The following VPS35L variants were observed in gnomAD, a reference collection of about 807,000 sequenced individuals.
The protein encoded by VPS35L is VPS35 endosomal protein sorting factor like.
Under a neutral mutation model 133.0 loss-of-function variants are expected in VPS35L, and 83 were observed. The observed-to-expected ratio is 0.62, with a 90% CI of 0.52 to 0.75. The LOEUF is 0.75. Among genes scored for constraint, VPS35L ranks in the 30% least tolerant of loss-of-function variants. The pLI is 0.00. For missense variants in VPS35L, 1,083 were observed against 1,206.8 expected, an observed-to-expected ratio of 0.90 and a Z score of 1.52; for synonymous variants, 423 against 449.9, an observed-to-expected ratio of 0.94 and a Z score of 0.76.
chr16:19,566,363 G>C (rs1390900728), intron 2 of VPS35L, among the ~76,000 whole-genome samples: 1 of 152,138 alleles, frequency 6.6e-6, no homozygotes, highest in Non-Finnish European at 1.5e-5. Flanking sequence ...GGGCATAGTG[G>C]CATATGCCTG....
chr16:19,686,289 AT>A (rs755587990), intron 28 of VPS35L, among the ~76,000 whole-genome samples: 87 of 152,224 alleles, frequency 5.7e-4, no homozygotes, highest in Non-Finnish European at 1.1e-3. Flanking sequence ...TAATTTCTGC[AT>A]TTTTGGAGGA....
At chr16:19,578,862 A>T (rs530675025) in intron 5 of VPS35L, 190 bp from the exon 6 acceptor site, 1 of 615,942 alleles carries the variant, frequency 1.6e-6, no homozygotes, top group South Asian at 1.9e-5. Flanking sequence ...GGCAGCTTCT[A>T]AGTGGGAAAT....
intron 16 of VPS35L, among the ~76,000 whole-genome samples, chr16:19,628,376 T>G (rs1262724126): frequency 6.6e-6 from 1 of 152,140 alleles, no homozygotes; most frequent in African/African-American, 2.4e-5. Flanking sequence ...CAAAAGGATA[T>G]ATCTTCATTC....
intron 28 of VPS35L, among the ~76,000 whole-genome samples, chr16:19,689,230 G>T (rs112261551): frequency 0.22 from 33,357 of 150,762 alleles, 4,344 homozygotes; most frequent in Non-Finnish European, 0.29. Flanking sequence ...ACCCGCCTCA[G>T]CCTCCCAAAG....
chr16:19,615,968 A>AAATAATAAT (rs10683142), intron 12 of VPS35L, 146 bp from the exon 13 acceptor site: 10,252 of 255,114 alleles, frequency 0.04, 487 homozygotes, highest in African/African-American at 0.13. Context: ...CTCCATCTCA[A>AAATAATAAT]AATAATAATA....
chr16:19,555,912 C>T (rs535449595), intron 1 of VPS35L, among the ~76,000 whole-genome samples, 166 bp downstream of exon 1: 1 of 152,298 alleles, frequency 6.6e-6, no homozygotes, highest in South Asian at 2.1e-4. Context: ...CGCGGTCCAG[C>T]GGAGCAATCT....
chr16:19,662,661 A>ACC (rs61130920), intron 26 of VPS35L, among the ~76,000 whole-genome samples: 4 of 151,922 alleles, frequency 2.6e-5, no homozygotes, highest in African/African-American at 9.7e-5. Context: ...TTTAGATAAA[A>ACC]CCCCCCACAT....
chr16:19,594,017 A>G (rs1972124749), intron 8 of VPS35L, among the ~76,000 whole-genome samples: 1 of 152,084 alleles, frequency 6.6e-6, no homozygotes, highest in African/African-American at 2.4e-5. Context: ...CTTTATTGCT[A>G]GTGGTCCCAG....
intron 26 of VPS35L, among the ~76,000 whole-genome samples, chr16:19,667,866 C>G (rs564136937): frequency 6.6e-6 from 1 of 152,032 alleles, no homozygotes; most frequent in South Asian, 2.1e-4. Context: ...CTGCCCATGA[C>G]AGTACCCTGT....
chr16:19,571,622 G>A (rs1971387993), intron 3 of VPS35L, among the ~76,000 whole-genome samples: 1 of 151,906 alleles, frequency 6.6e-6, no homozygotes, highest in African/African-American at 2.4e-5. Context: ...TTGGCTCACT[G>A]TGACCTCTGT....
intron 8 of VPS35L, among the ~76,000 whole-genome samples, chr16:19,599,971 G>C (rs1251022047): frequency 6.6e-6 from 1 of 152,184 alleles, no homozygotes; most frequent in Non-Finnish European, 1.5e-5. Context: ...AACCCAGGAG[G>C]TGGAGGCCGT....
chr16:19,565,451 A>G (rs962849019), intron 2 of VPS35L, among the ~76,000 whole-genome samples: 14 of 146,904 alleles, frequency 9.5e-5, no homozygotes, highest in African/African-American at 3.6e-4. Context: ...CAAGCAATTC[A>G]CCTGCCTCAG....
intron 24 of VPS35L, 65 bp from the exon 25 acceptor site, chr16:19,650,317 A>G (rs970907869): frequency 9.4e-6 from 12 of 1,278,730 alleles, no homozygotes; most frequent in Non-Finnish European, 1.3e-5. Flanking sequence ...TGAGATCTCT[A>G]TGGAAGACAC....
At chr16:19,650,758 A>G (rs1974098380) in intron 25 of VPS35L, among the ~76,000 whole-genome samples, 1 of 152,136 alleles carries the variant, frequency 6.6e-6, no homozygotes, top group South Asian at 2.1e-4. Context: ...ATATACTAAT[A>G]TAAGACATAT....
At chr16:19,696,930 C>T (rs1441922972) in intron 29 of VPS35L, among the ~76,000 whole-genome samples, 1 of 152,192 alleles carries the variant, frequency 6.6e-6, no homozygotes, top group Non-Finnish European at 1.5e-5. Flanking sequence ...CTTGTAGATT[C>T]AGGCAGAAAG....
rs1390848567 is a variant in VPS35L, at chr16:19,642,142, A to AG, written c.1785-250dup. On this transcript the variant is annotated intron_variant, in intron 21 of 30. Coordinates refer to ENST00000417362, the MANE Select transcript of VPS35L (RefSeq NM_020314.7). ...GGAGGATCACTCCAACCCAGGAGGC[A>AG]GGGGCTGCAGTGAGCTGAGGTCACA... Among the ~76,000 whole-genome samples, 3 of 152,280 alleles carry AG rather than the reference A, an allele frequency of 2.0e-5. No individual in the cohort carries two copies. In the East Asian group the frequency reaches 5.8e-4, roughly 29 times the overall value.
At chr16:19,577,449 G>T (rs1971573160) in intron 5 of VPS35L, among the ~76,000 whole-genome samples, 1 of 152,164 alleles carries the variant, frequency 6.6e-6, no homozygotes, top group Non-Finnish European at 1.5e-5. Context: ...CCTCCCACCA[G>T]GCCCCACCTC....
At chr16:19,645,682 T>G (rs1260833181) in intron 23 of VPS35L, among the ~76,000 whole-genome samples, 2 of 152,116 alleles carry the variant, frequency 1.3e-5, no homozygotes, top group Admixed American at 6.5e-5. Flanking sequence ...CCCCCCCAGC[T>G]CTGCAGCCCA....
At chr16:19,695,412 A>T (rs969528320) in intron 29 of VPS35L, among the ~76,000 whole-genome samples, 3 of 152,224 alleles carry the variant, frequency 2.0e-5, no homozygotes, top group African/African-American at 7.2e-5. Context: ...TGATGGTGAT[A>T]GTGATTCTGA....
Sources: gnomAD v4.1 joint callset for allele counts (sites outside exome capture counted in the v4.1 genomes callset) on GRCh38, gnomAD v4.1.1 for gene constraint, MANE v1.5 for transcripts, NCBI Gene and HGNC (gene_info 2026-07-23, HGNC 2026-07-21) for gene names.